The following SOX17 variants were observed in gnomAD, a reference collection of about 807,000 sequenced individuals.
SOX17 encodes SRY-box transcription factor 17, also known as transcription factor SOX-17.
Under a neutral mutation model 16.0 loss-of-function variants are expected in SOX17, and 4 were observed. The observed-to-expected ratio is 0.25, with a 90% CI of 0.12 to 0.57. The LOEUF (loss-of-function observed/expected upper bound fraction) is 0.57, where lower values mean the gene tolerates loss of function less well. Ranked by LOEUF, SOX17 falls within the 20% of genes least tolerant of loss-of-function variation. The probability of loss-of-function intolerance (pLI) is 0.92; values close to 1 mark genes in which losing one functional copy is unlikely to be tolerated. For synonymous variants in SOX17, 357 were observed against 284.6 expected (o/e 1.25, Z -2.56); for missense variants, 633 against 609.7 (o/e 1.04, Z -0.40).
rs1804731510 is a variant in SOX17, at chr8:54,460,825, C to T, written c.*830C>T. On this transcript the variant is annotated 3_prime_UTR_variant, in exon 2 of 2. Transcript: ENST00000297316. ...TTACACCTTGGGAAGTGGCAAGCAT[C>T]GCTGGGTTTAAGATAAAGGAGTCAC... is the stretch of plus-strand genomic sequence containing the variant. The T allele has an allele frequency of 8.9e-6, 2 of 224,884 alleles. No individual in the cohort carries two copies. The highest frequency in any genetic ancestry group is 2.2e-5 in the African/African-American group (1 of 44,790). 13.9% of individuals were successfully genotyped at this position (224,884 alleles called of 1,614,324 possible).
rs753783577 is a variant in SOX17 at position 54,460,010 on chromosome 8, G to A, written c.*15G>A. On this transcript the variant is annotated 3_prime_UTR_variant, in exon 2 of 2. Transcript: ENST00000297316. Reference sequence around the variant, plus strand: ...CTGACGTGTGACAGGTCCCTGATCCGCCCCAGCCTGCAGGCCAGAAGCAGT... The same window carrying A: ...CTGACGTGTGACAGGTCCCTGATCCACCCCAGCCTGCAGGCCAGAAGCAGT... 2.5e-6 allele frequency: 4 copies of A among 1,612,934 alleles called. No homozygotes were observed. Among genetic ancestry groups the A allele is most frequent in the South Asian group, 2.2e-5 (2 of 91,062 alleles).
At position 54,460,342 on chromosome 8, in the gene SOX17, A is replaced by G. The variant is rs566426889; in HGVS notation, c.*347A>G. 1.5e-4 allele frequency: 58 copies of G among 392,938 alleles called. No homozygotes were observed. Among genetic ancestry groups the G allele is most frequent in the African/African-American group, 9.0e-4 (45 of 49,744 alleles). 24.3% of individuals were successfully genotyped at this position (392,938 alleles called of 1,614,324 possible). ...ATGTTGTCCTGGGTGTGTTTTTTCA[A>G]TCTTCTAAAAAATAAAATCTGGAAT... On this transcript the variant is annotated 3_prime_UTR_variant, in exon 2 of 2. Coordinates refer to ENST00000297316, the MANE Select transcript of SOX17 (RefSeq NM_022454.4).
chr8:54,459,357 T>C lies in SOX17; in HGVS notation c.607T>C (p.Tyr203His). 1 of 1,557,222 alleles carries C rather than the reference T, an allele frequency of 6.4e-7. No individual in the cohort carries two copies. Among genetic ancestry groups the C allele is most frequent in the Non-Finnish European group, 8.6e-7 (1 of 1,162,834 alleles). ...GCTGCCTCCGCACATGGGCGGCCAC[T>C]ACCGCGACTGCCAGAGTCTGGGCGC... ...PLLPPHMGGH[Y>H]RDCQSLGAPP... The change falls in exon 2 of 2, where the codon TAC (tyrosine) becomes CAC (histidine). Residue 203 changes from tyrosine (Y) to histidine (H), a missense_variant. Tyr to His is a moderately conservative substitution (Grantham distance 83, BLOSUM62 2). Transcript: ENST00000297316.
At position 54,459,311 on chromosome 8, in the gene SOX17, C is replaced by T. The variant is rs1804693711; in HGVS notation, c.561C>T (p.Gly187=). 6.6e-7 allele frequency: 1 copy of T among 1,519,728 alleles called. No homozygotes were observed. The highest frequency in any genetic ancestry group is 2.7e-5 in the East Asian group (1 of 37,270). The allele number at this position is 1,519,728 out of a possible 1,614,324, so 94.1% of individuals were successfully genotyped here. Residue 187 remains glycine, a synonymous_variant, in exon 2 of 2, where the codon GGC becomes GGT. Transcript: ENST00000297316. ...DGLGLQFPEQ[G]FPAGPPLLPP... ...TGGGCCTCCAGTTCCCCGAGCAGGG[C>T]TTCCCCGCCGGCCCGCCGCTGCTGC...
chr8:54,459,217 T>C lies in SOX17; in HGVS notation c.467T>C (p.Leu156Pro), dbSNP rs201657686. The C allele has an allele frequency of 2.6e-3, 4,066 of 1,561,936 alleles. 206 individuals carry two copies. In the Admixed American group the frequency reaches 0.073, roughly 28 times the overall value. Residue 156 changes from leucine (L) to proline (P), a missense_variant, in exon 2 of 2, where the codon CTG becomes CCG. Physicochemically the swap from Leu to Pro is moderately conservative, Grantham distance 98. Coordinates refer to ENST00000297316, the MANE Select transcript of SOX17 (RefSeq NM_022454.4). Reference protein sequence around the residue: ...KRLKRVEGGFLHGLAEPQAAA... With the variant: ...KRLKRVEGGFPHGLAEPQAAA... ...CTGAAGCGGGTGGAGGGCGGCTTCC[T>C]GCACGGCCTGGCTGAGCCGCAGGCG...
rs1169873361 is a variant in SOX17 at position 54,459,695 on chromosome 8, G to A, written c.945G>A (p.Pro315=). The change falls in exon 2 of 2, where the codon CCG becomes CCA. Residue 315 remains proline (P), a synonymous_variant. Coordinates refer to ENST00000297316, the MANE Select transcript of SOX17 (RefSeq NM_022454.4). Reference sequence around the variant, plus strand: ...GCGGGCGCGGCTTCCAGATGCAGCCGCAACACCAGCACCAGCACCAGCACC... The same window carrying A: ...GCGGGCGCGGCTTCCAGATGCAGCCACAACACCAGCACCAGCACCAGCACC... The part of the protein sequence containing the change: ...AGGGRGFQMQ[P]QHQHQHQHQH... 1.3e-6 allele frequency: 2 copies of A among 1,538,052 alleles called. No homozygotes were observed. The highest frequency in any genetic ancestry group is 2.4e-5 in the East Asian group (1 of 40,938).
intron 1 of SOX17, 109 bp downstream of exon 1, chr8:54,458,554 G>A (rs1804675101): frequency 7.5e-7 from 1 of 1,333,484 alleles, no homozygotes; most frequent in Non-Finnish European, 1.0e-6. Flanking sequence ...AAAACCAGGG[G>A]TGTGTAGCGG....
chr8:54,460,441 GTT>G lies in SOX17; in HGVS notation c.*448_*449del. 3.7e-6 allele frequency: 1 copy of G among 266,792 alleles called. No homozygotes were observed. Among genetic ancestry groups the G allele is most frequent in the Non-Finnish European group, 7.2e-6 (1 of 138,494 alleles). 16.5% of individuals were successfully genotyped at this position (266,792 alleles called of 1,614,324 possible). On this transcript the variant is annotated 3_prime_UTR_variant, in exon 2 of 2. Coordinates refer to ENST00000297316, the MANE Select transcript of SOX17 (RefSeq NM_022454.4). ...AACCAGTTCTTAAGATCAATGTTAA[GTT>G]TATTAGTTAATGTAAATTTCTCATC...
At position 54,459,095 on chromosome 8, in the gene SOX17, G is replaced by A. The variant is rs774774174; in HGVS notation, c.345G>A (p.Arg115=). 4.4e-6 allele frequency: 7 copies of A among 1,608,608 alleles called. No individual in the cohort carries two copies. The South Asian group carries it at 4.4e-5, about 10-fold the overall frequency. ...SWKALTLAEK[R]PFVEEAERLR... ...AGGCGCTGACGCTGGCGGAGAAGCG[G>A]CCCTTCGTGGAGGAGGCAGAGCGGC... is the stretch of plus-strand genomic sequence containing the variant. The change falls in exon 2 of 2, where the codon CGG becomes CGA. Residue 115 remains arginine (R), a synonymous_variant. Transcript: ENST00000297316.
In SOX17 at chr8:54,458,098, C is replaced by A. The variant is rs1417139883; in HGVS notation, c.-41C>A. The A allele has an allele frequency of 2.1e-6, 3 of 1,439,342 alleles. No homozygotes were observed. The highest frequency in any genetic ancestry group is 1.8e-6 in the Non-Finnish European group (2 of 1,104,362). The allele number at this position is 1,439,342 out of a possible 1,614,324, so 89.2% of individuals were successfully genotyped here. ...CCCCGGGTCGGGGGAGGCGGCGCGT[C>A]CGGCGGAGGGTTGAGGGGAGCGGGG... On this transcript the variant is annotated 5_prime_UTR_variant, in exon 1 of 2. Transcript: ENST00000297316.
rs777408979 is a variant in SOX17, at chr8:54,459,389, G to A, written c.639G>A (p.Pro213=). Residue 213 remains proline (P), a synonymous_variant, in exon 2 of 2, where the codon CCG becomes CCA. Coordinates refer to ENST00000297316, the MANE Select transcript of SOX17 (RefSeq NM_022454.4). ...ACTGCCAGAGTCTGGGCGCGCCTCC[G>A]CTCGACGGCTACCCGTTGCCCACGC... is the stretch of plus-strand genomic sequence containing the variant. ...YRDCQSLGAP[P]LDGYPLPTPD... is the part of the protein sequence containing the mutation. 4.8e-5 allele frequency: 75 copies of A among 1,556,598 alleles called. No homozygotes were observed. The East Asian group carries it at 1.7e-3, about 35-fold the overall frequency.
Position 54,458,459 on chromosome 8 carries a change from G to C in SOX17, c.307+14G>C, listed in dbSNP as rs754654663. 1 of 1,612,414 alleles carries C rather than the reference G, an allele frequency of 6.2e-7. No homozygotes were observed. Among genetic ancestry groups the C allele is most frequent in the East Asian group, 2.2e-5 (1 of 44,872 alleles). On this transcript the variant is annotated intron_variant, in intron 1 of 1. Coordinates refer to ENST00000297316, the MANE Select transcript of SOX17 (RefSeq NM_022454.4). Reference sequence around the variant, plus strand: ...GCAAGATGCTGGGTGAGTCCGAGTCGCAGACCCAGGCGGCCGGGCGCGCTG... The same window carrying C: ...GCAAGATGCTGGGTGAGTCCGAGTCCCAGACCCAGGCGGCCGGGCGCGCTG...
In SOX17 at chr8:54,459,333, C is replaced by A; in HGVS notation, c.583C>A (p.Leu195Met). 6.5e-7 allele frequency: 1 copy of A among 1,544,198 alleles called. No individual in the cohort carries two copies. Among genetic ancestry groups the A allele is most frequent in the Non-Finnish European group, 8.7e-7 (1 of 1,155,954 alleles). The change falls in exon 2 of 2, where the codon CTG becomes ATG. Residue 195 changes from leucine (L) to methionine (M), a missense_variant. Coordinates refer to ENST00000297316, the MANE Select transcript of SOX17 (RefSeq NM_022454.4). The stretch of plus-strand genomic sequence containing the variant: ...GGGCTTCCCCGCCGGCCCGCCGCTG[C>A]TGCCTCCGCACATGGGCGGCCACTA... ...EQGFPAGPPL[L>M]PPHMGGHYRD...
Position 54,459,695 on chromosome 8 carries a change from G to GCAACACCAGCAC in SOX17, c.948_959dup (p.Gln322_His325dup). The stretch of plus-strand genomic sequence containing the variant: ...GCGGGCGCGGCTTCCAGATGCAGCC[G>GCAACACCAGCAC]CAACACCAGCACCAGCACCAGCACC... On this transcript the variant is annotated inframe_insertion, in exon 2 of 2. Transcript: ENST00000297316. 6.5e-7 allele frequency: 1 copy of GCAACACCAGCAC among 1,538,158 alleles called. No homozygotes were observed. Among genetic ancestry groups the GCAACACCAGCAC allele is most frequent in the Non-Finnish European group, 8.7e-7 (1 of 1,146,086 alleles).
At chr8:54,458,543 C>T in intron 1 of SOX17, 98 bp downstream of exon 1, 1 of 1,445,984 alleles carries the variant, frequency 6.9e-7, no homozygotes, top group Non-Finnish European at 9.5e-7. Flanking sequence ...GCCTGACGCC[C>T]AAAACCAGGG....
chr8:54,459,461 C>G lies in SOX17; in HGVS notation c.711C>G (p.Phe237Leu). The G allele has an allele frequency of 6.6e-7, 1 of 1,522,956 alleles. No individual in the cohort carries two copies. Among genetic ancestry groups the G allele is most frequent in the African/African-American group, 1.4e-5 (1 of 70,714 alleles). 94.3% of individuals were successfully genotyped at this position (1,522,956 alleles called of 1,614,324 possible). ...LDGVDPDPAF[F>L]AAPMPGDCPA... ...GCGTGGACCCCGACCCGGCTTTCTT[C>G]GCCGCCCCGATGCCCGGGGACTGCC... Residue 237 changes from phenylalanine to leucine, a missense_variant, in exon 2 of 2, where the codon TTC becomes TTG. By Grantham distance (22) the Phe-to-Leu change is conservative. Transcript: ENST00000297316.
rs1217088642 is a variant in SOX17, at chr8:54,458,201, C to T, written c.63C>T (p.Pro21=). 1 of 1,592,532 alleles carries T rather than the reference C, an allele frequency of 6.3e-7. No homozygotes were observed. The highest frequency in any genetic ancestry group is 8.5e-7 in the Non-Finnish European group (1 of 1,172,642). Residue 21 remains proline, a synonymous_variant, in exon 1 of 2, where the codon CCC becomes CCT. Transcript: ENST00000297316. ...DDQSQTQSAL[P]AVMAGLGPCP... ...AGAGCCAGACCCAGAGCGCGCTGCC[C>T]GCGGTGATGGCCGGGCTGGGCCCCT...
Position 54,460,835 on chromosome 8 carries a change from A to G in SOX17, c.*840A>G, listed in dbSNP as rs1804731658. ...GGAAGTGGCAAGCATCGCTGGGTTTAAGATAAAGGAGTCACAAAAACTAAT... is the reference window on the plus strand; with the variant it reads ...GGAAGTGGCAAGCATCGCTGGGTTTGAGATAAAGGAGTCACAAAAACTAAT... On this transcript the variant is annotated 3_prime_UTR_variant, in exon 2 of 2. Coordinates refer to ENST00000297316, the MANE Select transcript of SOX17 (RefSeq NM_022454.4). 1 of 225,482 alleles carries G rather than the reference A, an allele frequency of 4.4e-6. No homozygotes were observed. Among genetic ancestry groups the G allele is most frequent in the African/African-American group, 2.2e-5 (1 of 45,076 alleles). 14.0% of individuals were successfully genotyped at this position (225,482 alleles called of 1,614,324 possible). A position where few individuals can be genotyped will look rare whatever the true frequency, so the allele number is the denominator to read the frequency against.
chr8:54,460,325 C>CT lies in SOX17; in HGVS notation c.*331dup. 1 of 429,498 alleles carries CT rather than the reference C, an allele frequency of 2.3e-6. No individual in the cohort carries two copies. The highest frequency in any genetic ancestry group is 3.0e-5 in the South Asian group (1 of 33,030). The allele number at this position is 429,498 out of a possible 1,614,324, so 26.6% of individuals were successfully genotyped here. A position where few individuals can be genotyped will look rare whatever the true frequency, so the allele number is the denominator to read the frequency against. On this transcript the variant is annotated 3_prime_UTR_variant, in exon 2 of 2. Coordinates refer to ENST00000297316, the MANE Select transcript of SOX17 (RefSeq NM_022454.4). ...GTTTATTGATCAAAGAAATGTTGTC[C>CT]TGGGTGTGTTTTTTCAATCTTCTAA... is the stretch of plus-strand genomic sequence containing the variant.
Sources: gnomAD v4.1 joint callset for allele counts on GRCh38, gnomAD v4.1.1 for gene constraint, MANE v1.5 for transcripts, NCBI Gene and HGNC (gene_info 2026-07-23, HGNC 2026-07-21) for gene names.